Variants in ACSM2B observed in about 807,000 individuals in gnomAD.
The protein encoded by ACSM2B is acyl-coenzyme A synthetase ACSM2B, mitochondrial.
ACSM2B carries 58 observed loss-of-function variants against 78.6 expected under a neutral mutation model. The ratio of observed to expected loss-of-function variants is 0.74; its 90% CI spans 0.60 to 0.92. The LOEUF (loss-of-function observed/expected upper bound fraction) is 0.92. Among genes scored for constraint, ACSM2B ranks in the 40% least tolerant of loss-of-function variants. ACSM2B has a pLI of 0.00. For synonymous variants in ACSM2B, 257 were observed against 256.8 expected (o/e 1.00, Z -0.01); for missense variants, 688 against 711.2 (o/e 0.97, Z 0.37).
intron 1 of ACSM2B, among the ~76,000 whole-genome samples, chr16:20,567,573 A>G (rs1449584043): frequency 7.5e-6 from 1 of 133,744 alleles, no homozygotes; most frequent in Non-Finnish European, 1.6e-5. Context: ...AATTATATAT[A>G]AAAATATATA....
At chr16:20,566,734 GTATATACTATATATAC>G (rs2015892991) in intron 1 of ACSM2B, among the ~76,000 whole-genome samples, 3 of 6,322 alleles carry the variant, frequency 4.7e-4, no homozygotes, top group African/African-American at 2.0e-3. Context: ...ACTATATATA[GTATATACTATATATAC>G]TATATATAGT....
In ACSM2B at chr16:20,564,781, G is replaced by A. The variant is rs2015770102; in HGVS notation, c.65C>T (p.Thr22Ile). The change falls in exon 2 of 14, where the codon ACT becomes ATT. Residue 22 changes from threonine to isoleucine, a missense_variant. By Grantham distance (89) the Thr-to-Ile change is moderately conservative. Transcript: ENST00000329697. ...CAGTTGCCTACTATTAATGTAGAGA[G>A]TGCGGCTGGACATCTGAGTACCCCA... ...TLWGTQMSSRTLYINSRQLVS... is the reference protein window; with the variant it reads ...TLWGTQMSSRILYINSRQLVS... 3 of 1,613,372 alleles carry A rather than the reference G, an allele frequency of 1.9e-6. No homozygotes were observed. Among genetic ancestry groups the A allele is most frequent in the Non-Finnish European group, 2.5e-6 (3 of 1,179,590 alleles).
Position 20,545,225 on chromosome 16 carries a change from C to T in ACSM2B, c.1213G>A (p.Gly405Ser), listed in dbSNP as rs146499503. The change falls in exon 10 of 14, where the codon GGC becomes AGC. Residue 405 changes from glycine (G) to serine (S), a missense_variant. By Grantham distance (56) the Gly-to-Ser change is moderately conservative. Transcript: ENST00000329697. ...CTGATGCCAATGTCTCCTTCTGTGC[C>T]GGGGGGCAGGACGTTGCCCTTATCA... is the stretch of plus-strand genomic sequence containing the variant. ...IDDKGNVLPP[G>S]TEGDIGIRVK... 273 of 1,613,820 alleles carry T rather than the reference C, an allele frequency of 1.7e-4. No homozygotes were observed. The highest frequency in any genetic ancestry group is 3.6e-4 in the South Asian group (33 of 91,026).
chr16:20,559,580 A>T (rs115146197), intron 2 of ACSM2B, 133 bp from the exon 3 acceptor site: 53 of 1,216,630 alleles, frequency 4.4e-5, no homozygotes, highest in Middle Eastern at 5.6e-4. Flanking sequence ...AATCATAAAA[A>T]GTATTGAAAA....
At chr16:20,547,248 T>C in intron 8 of ACSM2B, 5 of 985,532 alleles carry the variant, frequency 5.1e-6, no homozygotes, top group Non-Finnish European at 6.0e-6. Flanking sequence ...TCTAAACATG[T>C]CCTCCTCTGA....
intron 3 of ACSM2B, among the ~76,000 whole-genome samples, chr16:20,555,884 T>C (rs575499679): frequency 6.6e-6 from 1 of 152,144 alleles, no homozygotes; most frequent in East Asian, 1.9e-4. Context: ...CACCAATAGC[T>C]CTAGGTCCTG....
chr16:20,548,527 T>C lies in ACSM2B; in HGVS notation c.895-54A>G. ...GGTCACCAGGTCAAATGCCAACTTA[T>C]GGCTATGCACAGTGGTTACAATTGT... On this transcript the variant is annotated intron_variant, in intron 6 of 13. Coordinates refer to ENST00000329697, the MANE Select transcript of ACSM2B (RefSeq NM_001105069.2). 6 of 1,612,714 alleles carry C rather than the reference T, an allele frequency of 3.7e-6. No homozygotes were observed. In the South Asian group the frequency reaches 5.5e-5, roughly 15 times the overall value.
chr16:20,570,316 A>G, intron 1 of ACSM2B, among the ~76,000 whole-genome samples: 1 of 151,866 alleles, frequency 6.6e-6, no homozygotes, highest in Non-Finnish European at 1.5e-5. Context: ...CTATTGAGAT[A>G]ATAATGTGAT....
intron 6 of ACSM2B, among the ~76,000 whole-genome samples, chr16:20,549,090 G>C (rs1330346847): frequency 6.6e-6 from 1 of 152,058 alleles, no homozygotes; most frequent in Non-Finnish European, 1.5e-5. Flanking sequence ...ATACAGAGGG[G>C]AAACCCATGA....
At chr16:20,548,851 C>G (rs942905486) in intron 6 of ACSM2B, among the ~76,000 whole-genome samples, 3 of 152,130 alleles carry the variant, frequency 2.0e-5, no homozygotes, top group African/African-American at 4.8e-5. Context: ...GGTTGAGTCC[C>G]TTAACTTTCT....
chr16:20,544,910 C>T, intron 10 of ACSM2B: 1 of 1,129,478 alleles, frequency 8.9e-7, no homozygotes, highest in African/African-American at 1.6e-5. Flanking sequence ...ACAGAGAGTT[C>T]TTGAGGAGTC....
chr16:20,567,548 A>C (rs2015955631), intron 1 of ACSM2B, among the ~76,000 whole-genome samples: 3 of 131,770 alleles, frequency 2.3e-5, no homozygotes, highest in Non-Finnish European at 4.7e-5. Flanking sequence ...ATAATATATA[A>C]ATATAAATTA....
chr16:20,557,406 C>T (rs1465632577), intron 3 of ACSM2B, among the ~76,000 whole-genome samples: 1 of 121,396 alleles, frequency 8.2e-6, no homozygotes. Flanking sequence ...GTTATTAGTT[C>T]CCCCCCAATT....
chr16:20,547,788 A>G, intron 8 of ACSM2B: 7 of 1,040,152 alleles, frequency 6.7e-6, no homozygotes, highest in Middle Eastern at 3.7e-4. Flanking sequence ...TACTTTTTCC[A>G]TCGCATTTCT....
At chr16:20,561,183 A>G (rs555375229) in intron 2 of ACSM2B, among the ~76,000 whole-genome samples, 1 of 152,214 alleles carries the variant, frequency 6.6e-6, no homozygotes, top group East Asian at 1.9e-4. Flanking sequence ...GACACAAAAA[A>G]CCAAATACTG....
In ACSM2B at chr16:20,536,474, T is replaced by C. The variant is rs1476530893; in HGVS notation, c.*784A>G. ...ATGGCAAATGCTTAATAAATGGTGG[T>C]TCCCCTCTGACCCTGACAGTTTCAA... On this transcript the variant is annotated 3_prime_UTR_variant, in exon 14 of 14. Coordinates refer to ENST00000329697, the MANE Select transcript of ACSM2B (RefSeq NM_001105069.2). The C allele has an allele frequency of 6.6e-6, 1 of 152,118 alleles. No homozygotes were observed. The highest frequency in any genetic ancestry group is 1.9e-4 in the East Asian group (1 of 5,188). The allele number at this position is 152,118 out of a possible 1,614,324, so 9.4% of individuals were successfully genotyped here.
Position 20,559,232 on chromosome 16 carries a change from C to T in ACSM2B, c.388+5G>A. 6.2e-7 allele frequency: 1 copy of T among 1,602,614 alleles called. No homozygotes were observed. Among genetic ancestry groups the T allele is most frequent in the African/African-American group, 1.3e-5 (1 of 74,772 alleles). On this transcript the variant is annotated splice_donor_5th_base_variant and intron_variant, in intron 3 of 13. Coordinates refer to ENST00000329697, the MANE Select transcript of ACSM2B (RefSeq NM_001105069.2). ...AGTTCTCTGTCCAGGTAGTCAGTTA[C>T]CAACCTGCTCGAATGCAGCCCAGGA... is the stretch of plus-strand genomic sequence containing the variant.
At chr16:20,544,431 G>C (rs935708923) in intron 10 of ACSM2B, 3 of 489,890 alleles carry the variant, frequency 6.1e-6, no homozygotes, top group African/African-American at 2.1e-5. Flanking sequence ...GATTAAACGA[G>C]TTGAAAGTTT....
intron 11 of ACSM2B, 24 bp from the exon 12 acceptor site, chr16:20,543,037 A>G (rs1355943862): frequency 6.2e-7 from 1 of 1,613,418 alleles, no homozygotes. Flanking sequence ...TGTCCTTCAG[A>G]GAACACTGGA....
Sources: allele counts gnomAD v4.1 joint callset (sites outside exome capture counted in the v4.1 genomes callset), GRCh38; gene constraint gnomAD v4.1.1; transcripts MANE v1.5; gene names NCBI Gene and HGNC (gene_info 2026-07-23, HGNC 2026-07-21).